Variants in TMEM132C observed in about 807,000 individuals in gnomAD.
TMEM132C encodes transmembrane protein 132C.
TMEM132C carries 29 observed loss-of-function variants against 61.4 expected under a neutral mutation model. That is an observed-to-expected ratio of 0.47 (90% CI 0.35 to 0.64). The LOEUF (loss-of-function observed/expected upper bound fraction) is 0.64, where lower values mean the gene tolerates loss of function less well. Ranked by LOEUF, TMEM132C falls within the 30% of genes least tolerant of loss-of-function variation. The pLI, the probability that TMEM132C is intolerant of heterozygous loss-of-function variation, is 0.00. For synonymous variants in TMEM132C, 656 were observed against 633.1 expected, an observed-to-expected ratio of 1.04 and a Z score of -0.54; for missense variants, 1,408 against 1,476.9, an observed-to-expected ratio of 0.95 and a Z score of 0.76.
intron 3 of TMEM132C, among the ~76,000 whole-genome samples, chr12:128,596,400 G>A (rs767208108): frequency 3.7e-5 from 5 of 136,414 alleles, no homozygotes; most frequent in East Asian, 2.3e-4. Flanking sequence ...GACTGATCCC[G>A]TGTTTTCTCC....
At chr12:128,377,208 C>A (rs1874220076) in intron 1 of TMEM132C, among the ~76,000 whole-genome samples, 2 of 152,168 alleles carry the variant, frequency 1.3e-5, no homozygotes, top group African/African-American at 4.8e-5. Context: ...GCATGCAGCA[C>A]CACGCCCAGT....
At chr12:128,508,616 C>T (rs1336524413) in intron 2 of TMEM132C, among the ~76,000 whole-genome samples, 2 of 152,190 alleles carry the variant, frequency 1.3e-5, no homozygotes, top group Admixed American at 6.5e-5. Flanking sequence ...TGGAGCAAGG[C>T]CGTGGCTCCG....
At chr12:128,270,754 G>A (rs552577317) in intron 1 of TMEM132C, among the ~76,000 whole-genome samples, 1 of 152,212 alleles carries the variant, frequency 6.6e-6, no homozygotes, top group African/African-American at 2.4e-5. Context: ...CCCTCAAGTC[G>A]AAATTCCTTA....
chr12:128,305,788 G>C (rs1260496307), intron 1 of TMEM132C, among the ~76,000 whole-genome samples: 2 of 152,228 alleles, frequency 1.3e-5, no homozygotes, highest in South Asian at 2.1e-4. Flanking sequence ...CTTTATCTGC[G>C]TCTGGATGTT....
intron 3 of TMEM132C, among the ~76,000 whole-genome samples, chr12:128,602,568 T>C (rs1383385058): frequency 6.6e-6 from 1 of 152,228 alleles, no homozygotes; most frequent in Non-Finnish European, 1.5e-5. Flanking sequence ...ATTCCATCGT[T>C]TAGCCCTGAA....
chr12:128,538,128 G>T (rs7306297), intron 2 of TMEM132C, among the ~76,000 whole-genome samples: 11,082 of 151,390 alleles, frequency 0.073, 1,339 homozygotes, highest in African/African-American at 0.25. Flanking sequence ...GGTAGTAGTA[G>T]TAGTATTTTG....
At position 128,382,713 on chromosome 12, in the gene TMEM132C, C is replaced by T. The variant is rs141327417; in HGVS notation, c.86-32019C>T. Among the ~76,000 whole-genome samples the T allele has an allele frequency of 9.9e-5, 15 of 152,276 alleles. No individual in the cohort carries two copies. The East Asian group carries it at 2.7e-3, about 27-fold the overall frequency. On this transcript the variant is annotated intron_variant, in intron 1 of 8. Transcript: ENST00000435159. ...TTCAACTCTCCGTGGTATTCTTTTA[C>T]ATAAATAAATACATGTTTTAACCTT...
chr12:128,573,898 CAAAAA>C (rs10689177), intron 3 of TMEM132C, among the ~76,000 whole-genome samples: 13 of 142,824 alleles, frequency 9.1e-5, no homozygotes, highest in African/African-American at 3.3e-4. Flanking sequence ...TTTTTGCAAT[CAAAAA>C]AAAAAAAAAG....
intron 2 of TMEM132C, among the ~76,000 whole-genome samples, chr12:128,528,648 G>T (rs188322340): frequency 1.3e-5 from 2 of 152,158 alleles, no homozygotes; most frequent in East Asian, 3.9e-4. Context: ...TGTATTGTAG[G>T]TTGTTTAGCA....
At chr12:128,355,839 TA>T (rs1167461362) in intron 1 of TMEM132C, among the ~76,000 whole-genome samples, 2 of 152,076 alleles carry the variant, frequency 1.3e-5, no homozygotes, top group East Asian at 3.9e-4. Context: ...GAGCTTTACT[TA>T]AATGCCACGT....
intron 2 of TMEM132C, among the ~76,000 whole-genome samples, chr12:128,477,274 A>C (rs781358705): frequency 8.5e-5 from 13 of 152,128 alleles, no homozygotes; most frequent in Non-Finnish European, 1.8e-4. Flanking sequence ...AAATATCTCA[A>C]CTTCATCCTG....
rs1468054142 is a variant in TMEM132C at position 128,326,377 on chromosome 12, T to G, written c.85+58890T>G. The stretch of plus-strand genomic sequence containing the variant: ...GTTTCACTTTTCGAGCTGCCAGATC[T>G]GCTGGAGAAAATTATAAAGATGAAT... On this transcript the variant is annotated intron_variant, in intron 1 of 8. Transcript: ENST00000435159. The surrounding 1 kb of genome is among the most constrained non-coding windows in gnomAD (Gnocchi z 5.6). Among the ~76,000 whole-genome samples, 1 of 152,216 alleles carries G rather than the reference T, an allele frequency of 6.6e-6. No individual in the cohort carries two copies. Among genetic ancestry groups the G allele is most frequent in the Non-Finnish European group, 1.5e-5 (1 of 68,042 alleles).
intron 4 of TMEM132C, among the ~76,000 whole-genome samples, chr12:128,645,068 G>C (rs950166240): frequency 2.6e-5 from 4 of 152,172 alleles, no homozygotes; most frequent in African/African-American, 9.6e-5. Flanking sequence ...CACTGAGATT[G>C]TGAACCTCCT....
intron 1 of TMEM132C, among the ~76,000 whole-genome samples, chr12:128,380,803 C>T (rs1335179908): frequency 6.6e-6 from 1 of 152,308 alleles, no homozygotes; most frequent in East Asian, 1.9e-4. Context: ...AGCCTCTGGT[C>T]ATAACATATT....
At chr12:128,593,326 TCCTCTCTCCTTC>T (rs748891460) in intron 3 of TMEM132C, among the ~76,000 whole-genome samples, 3 of 151,952 alleles carry the variant, frequency 2.0e-5, no homozygotes, top group Non-Finnish European at 4.4e-5. Flanking sequence ...CTTCCCTCTC[TCCTCTCTCCTTC>T]CCTCTCTTTC....
At chr12:128,672,179 C>T (rs565231185) in intron 5 of TMEM132C, among the ~76,000 whole-genome samples, 1 of 151,944 alleles carries the variant, frequency 6.6e-6, no homozygotes, top group Admixed American at 6.6e-5. Context: ...TTTATACTAA[C>T]AGCACACTGA....
At chr12:128,348,887 TGA>T (rs1316495546) in intron 1 of TMEM132C, among the ~76,000 whole-genome samples, 1 of 152,270 alleles carries the variant, frequency 6.6e-6, no homozygotes, top group Non-Finnish European at 1.5e-5. Flanking sequence ...GATGTGTCAC[TGA>T]GAGAATTGGC....
In TMEM132C at chr12:128,340,823, CTG is replaced by C. The variant is rs1036014607; in HGVS notation, c.85+73338_85+73339del. ...TCTTTCTTTCTTTCTCTCTTTCTTT[CTG>C]TCTTTCTCTCTCTCTCTTTCTCTCT... On this transcript the variant is annotated intron_variant, in intron 1 of 8. Transcript: ENST00000435159. Among the ~76,000 whole-genome samples the C allele has an allele frequency of 8.7e-5, 11 of 126,414 alleles. 1 individual carries two copies. The highest frequency in any genetic ancestry group is 3.1e-4 in the African/African-American group (10 of 32,198). The allele number at this position is 126,414 out of a possible 152,430, so 82.9% of individuals were successfully genotyped here. A position where few individuals can be genotyped will look rare whatever the true frequency, so the allele number is the denominator to read the frequency against.
chr12:128,641,359 A>G (rs1419578278), intron 4 of TMEM132C, among the ~76,000 whole-genome samples: 1 of 152,212 alleles, frequency 6.6e-6, no homozygotes, highest in Non-Finnish European at 1.5e-5. Flanking sequence ...CCAAGTCTTA[A>G]CACCACGTAC....
Sources: allele counts gnomAD v4.1 joint callset (sites outside exome capture counted in the v4.1 genomes callset), GRCh38; gene constraint gnomAD v4.1.1; non-coding constraint Gnocchi (gnomAD v3.1); transcripts MANE v1.5; gene names NCBI Gene and HGNC (gene_info 2026-07-23, HGNC 2026-07-21).